The following NCOA2 variants were observed in gnomAD, a reference collection of about 807,000 sequenced individuals.
NCOA2 encodes the protein nuclear receptor coactivator 2.
Under a neutral mutation model 145.1 loss-of-function variants are expected in NCOA2, and 21 were observed. The ratio of observed to expected loss-of-function variants is 0.14; its 90% CI spans 0.10 to 0.21. NCOA2 has a LOEUF of 0.21. Ranked by LOEUF, NCOA2 falls within the 10% of genes least tolerant of loss-of-function variation. The pLI is 1.00. For synonymous variants in NCOA2, 619 were observed against 637.5 expected, an observed-to-expected ratio of 0.97 and a Z score of 0.44; for missense variants, 1,472 against 1,837.6, an observed-to-expected ratio of 0.80 and a Z score of 3.64.
chr8:70,219,942 A>G (rs1404785737), intron 2 of NCOA2, among the ~76,000 whole-genome samples: 1 of 152,202 alleles, frequency 6.6e-6, no homozygotes. Context: ...CAGAAGTGAC[A>G]CAAATAAAAA....
At chr8:70,408,291 C>T (rs1174059942), upstream of NCOA2, among the ~76,000 whole-genome samples, 2 of 152,130 alleles carry the variant, frequency 1.3e-5, no homozygotes, top group Non-Finnish European at 2.9e-5. Context: ...CAAAAGAATC[C>T]ATGAACTACT....
chr8:70,392,918 T>A (rs183517131), intron 1 of NCOA2, among the ~76,000 whole-genome samples: 1 of 152,286 alleles, frequency 6.6e-6, no homozygotes, highest in Non-Finnish European at 1.5e-5. Context: ...GGAGTAAACA[T>A]CTATGAAAAC....
chr8:70,128,454 C>G lies in NCOA2; in HGVS notation c.3660G>C (p.Leu1220=). The change falls in exon 18 of 23, where the codon CTG becomes CTC. Residue 1220 remains leucine, a synonymous_variant. Transcript: ENST00000452400. The part of the protein sequence containing the change: ...ISNVSNVNLT[L]RPGVPTQAPI... ...TTACCTGTGTTGGTACTCCAGGCCT[C>G]AGAGTCAAGTTCACATTGGAAACAT... The G allele has an allele frequency of 6.2e-7, 1 of 1,612,764 alleles. No individual in the cohort carries two copies. Among genetic ancestry groups the G allele is most frequent in the Non-Finnish European group, 8.5e-7 (1 of 1,179,448 alleles).
chr8:70,364,763 C>G (rs1005052219), intron 1 of NCOA2, among the ~76,000 whole-genome samples: 1 of 148,364 alleles, frequency 6.7e-6, no homozygotes, highest in African/African-American at 2.5e-5. Flanking sequence ...AAAAAACTAG[C>G]AAATTTCAGG....
At chr8:70,247,998 G>A (rs1244720591) in intron 2 of NCOA2, among the ~76,000 whole-genome samples, 4 of 152,210 alleles carry the variant, frequency 2.6e-5, no homozygotes, top group Non-Finnish European at 4.4e-5. Context: ...GAGTGCAGAA[G>A]ATAGCAACAG....
At chr8:70,342,872 G>A (rs1057089809) in intron 1 of NCOA2, among the ~76,000 whole-genome samples, 7 of 147,308 alleles carry the variant, frequency 4.8e-5, no homozygotes, top group Admixed American at 2.0e-4. Context: ...TACCCAAGCT[G>A]CAAAATTTAT....
the NCOA2 span, among the ~76,000 whole-genome samples, chr8:70,422,401 G>GT: frequency 0.067 from 9,691 of 144,588 alleles, 459 homozygotes; most frequent in African/African-American, 0.13. Context: ...AAAATGCTGT[G>GT]TTTTTTTTTT....
intron 1 of NCOA2, among the ~76,000 whole-genome samples, chr8:70,368,394 CAG>C (rs1395326459): frequency 6.6e-6 from 1 of 152,034 alleles, no homozygotes; most frequent in Non-Finnish European, 1.5e-5. Context: ...GGAATGAAAG[CAG>C]AGTTTTAGAA....
intron 2 of NCOA2, among the ~76,000 whole-genome samples, chr8:70,248,346 A>C (rs1822796516): frequency 6.6e-6 from 1 of 152,212 alleles, no homozygotes; most frequent in Admixed American, 6.5e-5. Flanking sequence ...ATCACTCTGC[A>C]AAGTTCTCTT....
chr8:70,267,016 C>T (rs1471747726), intron 2 of NCOA2, among the ~76,000 whole-genome samples: 1 of 151,940 alleles, frequency 6.6e-6, no homozygotes, highest in Non-Finnish European at 1.5e-5. Flanking sequence ...ATTTTTTGAC[C>T]CAAAATAATC....
chr8:70,249,016 C>A (rs1414351618), intron 2 of NCOA2, among the ~76,000 whole-genome samples: 2 of 151,940 alleles, frequency 1.3e-5, no homozygotes, highest in African/African-American at 4.8e-5. Context: ...TCTCCACCCC[C>A]CGGATGGACA....
chr8:70,256,165 T>C (rs1823620734), intron 2 of NCOA2, among the ~76,000 whole-genome samples: 1 of 152,156 alleles, frequency 6.6e-6, no homozygotes, highest in Admixed American at 6.5e-5. Context: ...GGTTTCCAGA[T>C]TGGCCAGCCA....
intron 14 of NCOA2, among the ~76,000 whole-genome samples, chr8:70,140,659 G>T (rs1195484110): frequency 1.4e-5 from 2 of 142,154 alleles, no homozygotes; most frequent in African/African-American, 2.7e-5. Context: ...GAGTGCAGTG[G>T]TGTCATCTTG....
chr8:70,280,759 C>T (rs1825810817), intron 2 of NCOA2, among the ~76,000 whole-genome samples: 1 of 152,142 alleles, frequency 6.6e-6, no homozygotes, highest in Non-Finnish European at 1.5e-5. Flanking sequence ...AGGATCTACA[C>T]CAAGCAGCTT....
In NCOA2 at chr8:70,309,983, G is replaced by A. The variant is rs568382431; in HGVS notation, c.-76-13183C>T. On this transcript the variant is annotated intron_variant, in intron 1 of 22. Coordinates refer to ENST00000452400, the MANE Select transcript of NCOA2 (RefSeq NM_006540.4). ...CAAACAAACAAACAAACAAAAAAAC[G>A]AAACCAAACAAAAAATAGCTAGCTT... 4.6e-5 allele frequency among the ~76,000 whole-genome samples: 7 copies of A among 151,428 alleles called. No homozygotes were observed. The South Asian group carries it at 8.3e-4, about 18-fold the overall frequency.
At chr8:70,261,416 A>C (rs965206162) in intron 2 of NCOA2, among the ~76,000 whole-genome samples, 1 of 152,082 alleles carries the variant, frequency 6.6e-6, no homozygotes, top group Non-Finnish European at 1.5e-5. Context: ...ACACATGGAC[A>C]CAGGAAGGGG....
chr8:70,380,410 T>C (rs1418246776), intron 1 of NCOA2, among the ~76,000 whole-genome samples: 1 of 152,008 alleles, frequency 6.6e-6, no homozygotes, highest in Non-Finnish European at 1.5e-5. Context: ...CACACACACA[T>C]ACTTTAAATC....
intron 1 of NCOA2, among the ~76,000 whole-genome samples, chr8:70,388,178 A>T (rs554188119): frequency 1.3e-5 from 2 of 151,640 alleles, no homozygotes; most frequent in East Asian, 1.9e-4. Context: ...AAAAGGAAGC[A>T]AAGAATTTAA....
chr8:70,416,195 G>GTTTTTT, the NCOA2 span, among the ~76,000 whole-genome samples: 1 of 135,692 alleles, frequency 7.4e-6, no homozygotes, highest in Non-Finnish European at 1.6e-5. Context: ...CAGTTTTTTT[G>GTTTTTT]TTTTTTTTTT....
Sources: allele counts gnomAD v4.1 joint callset (sites outside exome capture counted in the v4.1 genomes callset), GRCh38; gene constraint gnomAD v4.1.1; transcripts MANE v1.5; gene names NCBI Gene and HGNC (gene_info 2026-07-23, HGNC 2026-07-21).